Variants in SLC35A3 observed in about 807,000 individuals in gnomAD.
SLC35A3 encodes UDP-N-acetylglucosamine transporter.
In SLC35A3, 26 loss-of-function variants were observed where a neutral mutation model predicts 39.0. That is an observed-to-expected ratio of 0.67 (90% CI 0.49 to 0.92). The LOEUF is 0.92. Among genes scored for constraint, SLC35A3 ranks in the 40% least tolerant of loss-of-function variants. The pLI is 0.00. For missense variants in SLC35A3, 299 were observed against 371.6 expected (o/e 0.80, Z 1.61); for synonymous variants, 135 against 133.1 (o/e 1.01, Z -0.10).
chr1:99,994,474 A>G (rs924932866), intron 2 of SLC35A3, among the ~76,000 whole-genome samples: 2 of 152,174 alleles, frequency 1.3e-5, no homozygotes, highest in Non-Finnish European at 2.9e-5. Context: ...CACAGCCCCT[A>G]GTAACCTCTA....
At chr1:99,973,816 A>T (rs965870700) in intron 1 of SLC35A3, among the ~76,000 whole-genome samples, 1 of 152,188 alleles carries the variant, frequency 6.6e-6, no homozygotes, top group Non-Finnish European at 1.5e-5. Context: ...GGAGTTTAAG[A>T]CCAGCCTGAC....
At chr1:99,997,701 TGG>T (rs1658507111) in intron 2 of SLC35A3, among the ~76,000 whole-genome samples, 1 of 151,628 alleles carries the variant, frequency 6.6e-6, no homozygotes, top group African/African-American at 2.4e-5. Context: ...ATACCTCTCT[TGG>T]ACATAATTTT....
chr1:99,970,525 A>C, intron 1 of SLC35A3: 1 of 1,532,664 alleles, frequency 6.5e-7, no homozygotes, highest in Non-Finnish European at 8.7e-7. Flanking sequence ...TCATTCCTTC[A>C]GTGAACATCC....
At chr1:99,999,563 A>C (rs1352876791) in intron 3 of SLC35A3, 148 bp downstream of exon 3, 1 of 507,016 alleles carries the variant, frequency 2.0e-6, no homozygotes, top group Admixed American at 4.0e-5. Context: ...TCATCTCCAC[A>C]AACATTTATC....
chr1:100,025,855 T>C lies in SLC35A3; in HGVS notation c.*3379T>C, dbSNP rs1003828097. On this transcript the variant is annotated 3_prime_UTR_variant, in exon 8 of 8. Transcript: ENST00000533028. ...CTCATGGGAGAAGAGTGCCAATTGA[T>C]AGTTCTTTTAGCAATTAAGAATATG... is the stretch of plus-strand genomic sequence containing the variant. The C allele has an allele frequency of 6.6e-6, 1 of 152,196 alleles. No homozygotes were observed. The highest frequency in any genetic ancestry group is 2.4e-5 in the African/African-American group (1 of 41,450). The allele number at this position is 152,196 out of a possible 1,614,324, so 9.4% of individuals were successfully genotyped here. A position where few individuals can be genotyped will look rare whatever the true frequency, so the allele number is the denominator to read the frequency against.
chr1:99,979,558 G>A (rs747344103), intron 1 of SLC35A3, among the ~76,000 whole-genome samples: 18 of 150,276 alleles, frequency 1.2e-4, no homozygotes, highest in Non-Finnish European at 2.1e-4. Context: ...CTCAGCCTCC[G>A]GAGTAGCTGG....
intron 3 of SLC35A3, among the ~76,000 whole-genome samples, chr1:100,000,138 T>G (rs1434671610): frequency 2.6e-5 from 4 of 152,186 alleles, no homozygotes; most frequent in Non-Finnish European, 4.4e-5. Context: ...TATTTTAAGT[T>G]TTTTGAGAAT....
chr1:99,988,626 T>G (rs1570580573), intron 1 of SLC35A3, among the ~76,000 whole-genome samples: 1 of 111,680 alleles, frequency 9.0e-6, no homozygotes. Flanking sequence ...GTCCCTCCCC[T>G]CCCCTCCTCT....
chr1:99,979,647 A>T (rs1657332265), intron 1 of SLC35A3, among the ~76,000 whole-genome samples: 1 of 150,846 alleles, frequency 6.6e-6, no homozygotes, highest in Admixed American at 6.6e-5. Flanking sequence ...GTTAGCCAGG[A>T]TGGTCTCGAT....
intron 7 of SLC35A3, among the ~76,000 whole-genome samples, chr1:100,020,024 A>G (rs1426245951): frequency 6.6e-6 from 1 of 152,212 alleles, no homozygotes; most frequent in African/African-American, 2.4e-5. Flanking sequence ...ATGAGACACA[A>G]TTTCTTGTCT....
At chr1:100,000,989 G>A (rs972227476) in intron 3 of SLC35A3, among the ~76,000 whole-genome samples, 2 of 151,748 alleles carry the variant, frequency 1.3e-5, no homozygotes, top group African/African-American at 4.8e-5. Context: ...GCATGCTCCT[G>A]GCACCTTCGT....
At chr1:99,981,756 C>T (rs1391486417) in intron 1 of SLC35A3, among the ~76,000 whole-genome samples, 1 of 152,108 alleles carries the variant, frequency 6.6e-6, no homozygotes, top group Non-Finnish European at 1.5e-5. Flanking sequence ...GCTGGGATTA[C>T]AGACATGAGC....
In SLC35A3 at chr1:100,024,461, G is replaced by T. The variant is rs552161258; in HGVS notation, c.*1985G>T. ...AGCTACTCAGGAGGCTGAGGCAGGA[G>T]AATTTCTTGAACACACCAGGTGGAA... On this transcript the variant is annotated 3_prime_UTR_variant, in exon 8 of 8. Coordinates refer to ENST00000533028, the MANE Select transcript of SLC35A3 (RefSeq NM_012243.3). 3 of 150,554 alleles carry T rather than the reference G, an allele frequency of 2.0e-5. No homozygotes were observed. The East Asian group carries it at 6.1e-4, about 31-fold the overall frequency. 9.3% of individuals were successfully genotyped at this position (150,554 alleles called of 1,614,324 possible). A position where few individuals can be genotyped will look rare whatever the true frequency, so the allele number is the denominator to read the frequency against.
chr1:99,997,304 T>C (rs7530361), intron 2 of SLC35A3, among the ~76,000 whole-genome samples: 37,342 of 150,002 alleles, frequency 0.25, 7,187 homozygotes, highest in African/African-American at 0.54. Flanking sequence ...ACTAGAGATG[T>C]AGCAGTACTT....
intron 1 of SLC35A3, among the ~76,000 whole-genome samples, chr1:99,987,324 T>G (rs1430310692): frequency 6.6e-6 from 1 of 152,216 alleles, no homozygotes; most frequent in African/African-American, 2.4e-5. Context: ...GATTACAAAG[T>G]CTATGTATTC....
At chr1:99,988,629 C>T (rs1339706153) in intron 1 of SLC35A3, among the ~76,000 whole-genome samples, 1 of 147,666 alleles carries the variant, frequency 6.8e-6, no homozygotes, top group East Asian at 2.0e-4. Context: ...CCTCCCCTCC[C>T]CTCCTCTTCC....
At chr1:100,015,498 C>G in intron 6 of SLC35A3, 78 bp downstream of exon 6, 1 of 1,437,896 alleles carries the variant, frequency 7.0e-7, no homozygotes, top group Non-Finnish European at 9.1e-7. Context: ...TCCTGATATA[C>G]TGATGTGAGG....
chr1:99,990,740 C>A (rs1344570116), intron 1 of SLC35A3, among the ~76,000 whole-genome samples: 1 of 152,106 alleles, frequency 6.6e-6, no homozygotes, highest in African/African-American at 2.4e-5. Flanking sequence ...CTGTCCCCTG[C>A]CTCCCCAAAT....
intron 1 of SLC35A3, among the ~76,000 whole-genome samples, chr1:99,976,226 ATAAT>A (rs1393613956): frequency 2.0e-5 from 3 of 152,230 alleles, no homozygotes; most frequent in African/African-American, 7.2e-5. Context: ...TAGAACAAAC[ATAAT>A]TAATATATAT....
Sources: gnomAD v4.1 joint callset for allele counts (sites outside exome capture counted in the v4.1 genomes callset) on GRCh38, gnomAD v4.1.1 for gene constraint, MANE v1.5 for transcripts, NCBI Gene and HGNC (gene_info 2026-07-23, HGNC 2026-07-21) for gene names.